FAM151B: variants seen among roughly 807,000 people sequenced by gnomAD.
The protein encoded by FAM151B is family with sequence similarity 151 member B, also known as protein FAM151B.
Under a neutral mutation model 31.2 loss-of-function variants are expected in FAM151B, and 24 were observed. The ratio of observed to expected loss-of-function variants is 0.77; its 90% CI spans 0.56 to 1.08. The LOEUF (loss-of-function observed/expected upper bound fraction) is 1.08, where lower values mean the gene tolerates loss of function less well. FAM151B is among the 50% of genes least tolerant of loss of function. FAM151B has a pLI of 0.00. For missense variants in FAM151B, 293 were observed against 328.6 expected (o/e 0.89, Z 0.84); for synonymous variants, 105 against 111.4 (o/e 0.94, Z 0.36).
chr5:80,494,091 A>G (rs1743412661), intron 1 of FAM151B, among the ~76,000 whole-genome samples: 1 of 152,200 alleles, frequency 6.6e-6, no homozygotes. Flanking sequence ...GTACGTTGAA[A>G]TATTGGGGGC....
chr5:80,502,669 A>G (rs1346873115), intron 2 of FAM151B, among the ~76,000 whole-genome samples: 1 of 152,192 alleles, frequency 6.6e-6, no homozygotes, highest in Non-Finnish European at 1.5e-5. Flanking sequence ...GCATATCACT[A>G]CAGGGCCGGG....
At chr5:80,513,796 C>A in intron 3 of FAM151B, 27 bp downstream of exon 3, 1 of 1,574,216 alleles carries the variant, frequency 6.4e-7, no homozygotes, top group Non-Finnish European at 8.6e-7. Context: ...GTTCAATTTT[C>A]TGGGAAAAAA....
intron 1 of FAM151B, among the ~76,000 whole-genome samples, chr5:80,493,441 G>A (rs1455465222): frequency 6.6e-6 from 1 of 152,196 alleles, no homozygotes; most frequent in Non-Finnish European, 1.5e-5. Context: ...CAGGGAAATA[G>A]GGAAGATAAC....
intron 5 of FAM151B, among the ~76,000 whole-genome samples, chr5:80,538,372 TTTTC>T (rs1315996184): frequency 0.016 from 1,733 of 111,556 alleles, 58 homozygotes; most frequent in Non-Finnish European, 0.022. Flanking sequence ...CAGCCTTTCT[TTTTC>T]TTTCTTTCTT....
At chr5:80,501,620 G>A (rs1352986746) in intron 1 of FAM151B, among the ~76,000 whole-genome samples, 172 bp from the exon 2 acceptor site, 1 of 151,678 alleles carries the variant, frequency 6.6e-6, no homozygotes, top group Non-Finnish European at 1.5e-5. Flanking sequence ...TGAGATGATG[G>A]ATATGTTAAT....
At chr5:80,529,086 C>T (rs1327918120) in intron 5 of FAM151B, among the ~76,000 whole-genome samples, 1 of 152,200 alleles carries the variant, frequency 6.6e-6, no homozygotes, top group Non-Finnish European at 1.5e-5. Flanking sequence ...AAGAAACTCA[C>T]TCAAAACCGC....
At chr5:80,491,246 C>T (rs549380751) in intron 1 of FAM151B, among the ~76,000 whole-genome samples, 10 of 151,622 alleles carry the variant, frequency 6.6e-5, no homozygotes, top group East Asian at 5.8e-4. Flanking sequence ...GACAGGGTCT[C>T]GCTCTGTCAC....
At position 80,530,520 on chromosome 5, in the gene FAM151B, T is replaced by A. The variant is rs193194155; in HGVS notation, c.671+8382T>A. Among the ~76,000 whole-genome samples, 799 of 152,332 alleles carry A rather than the reference T, an allele frequency of 5.2e-3. 5 individuals carry two copies. Among genetic ancestry groups the A allele is most frequent in the African/African-American group, 0.018 (752 of 41,556 alleles). ...TCAGCCCAAAATCTCCTTAAGCTGA[T>A]AAGCAACTTCAGCAAAGTCTCAAGA... On this transcript the variant is annotated intron_variant, in intron 5 of 5. Coordinates refer to ENST00000282226, the MANE Select transcript of FAM151B (RefSeq NM_205548.3).
At position 80,521,408 on chromosome 5, in the gene FAM151B, A is replaced by T. The variant is rs1409238827; in HGVS notation, c.536-595A>T. Among the ~76,000 whole-genome samples, 3 of 152,108 alleles carry T rather than the reference A, an allele frequency of 2.0e-5. No homozygotes were observed. In the East Asian group the frequency reaches 5.8e-4, roughly 29 times the overall value. ...CTCAAAGTGCTGGGATTACAGGCATAAACCACCATGCCTGGCCCACAATGT... is the reference window on the plus strand; with the variant it reads ...CTCAAAGTGCTGGGATTACAGGCATTAACCACCATGCCTGGCCCACAATGT... On this transcript the variant is annotated intron_variant, in intron 4 of 5. Coordinates refer to ENST00000282226, the MANE Select transcript of FAM151B (RefSeq NM_205548.3).
At chr5:80,511,625 A>C (rs1291391921) in intron 2 of FAM151B, among the ~76,000 whole-genome samples, 1 of 151,690 alleles carries the variant, frequency 6.6e-6, no homozygotes, top group Non-Finnish European at 1.5e-5. Flanking sequence ...TTTTTTTTTG[A>C]GACAGGAGTC....
At chr5:80,538,356 C>T (rs1017668777) in intron 5 of FAM151B, among the ~76,000 whole-genome samples, 7 of 151,058 alleles carry the variant, frequency 4.6e-5, no homozygotes, top group African/African-American at 9.7e-5. Context: ...CATGAGCCAC[C>T]GCACCCAGCC....
intron 5 of FAM151B, among the ~76,000 whole-genome samples, chr5:80,538,482 CTTTCCTTCCTTCCTTCCTTTCT>C (rs1561383829): frequency 5.5e-5 from 7 of 126,458 alleles, no homozygotes; most frequent in African/African-American, 2.3e-4. Context: ...TTCTTTCTTT[CTTTCCTTCCTTCCTTCCTTTCT>C]TTTCTTTCTT....
At chr5:80,517,372 A>T (rs1164368789) in intron 3 of FAM151B, among the ~76,000 whole-genome samples, 1 of 152,206 alleles carries the variant, frequency 6.6e-6, no homozygotes, top group Non-Finnish European at 1.5e-5. Flanking sequence ...CCTGCAGATA[A>T]GGTGGACTAC....
intron 3 of FAM151B, among the ~76,000 whole-genome samples, chr5:80,517,565 T>G (rs1744510990): frequency 1.2e-4 from 1 of 8,250 alleles, no homozygotes; most frequent in Admixed American, 8.0e-4. Flanking sequence ...AACCGCAGAT[T>G]TTAAGTTTCT....
At position 80,522,009 on chromosome 5, in the gene FAM151B, G is replaced by A; in HGVS notation, c.542G>A (p.Ser181Asn). 1.9e-6 allele frequency: 3 copies of A among 1,579,432 alleles called. No individual in the cohort carries two copies. The highest frequency in any genetic ancestry group is 2.6e-6 in the Non-Finnish European group (3 of 1,155,616). The change falls in exon 5 of 6, where the codon AGT becomes AAT. Residue 181 changes from serine to asparagine, a missense_variant. Physicochemically the swap from Ser to Asn is conservative, Grantham distance 46 (BLOSUM62 1). Transcript: ENST00000282226. ...TTTTTTCTTTTCTTTTAAGGGTACA[G>A]TTGGACAATGGTGAAAGAGATGGAA... ...WHPEKVNEGY[S>N]WTMVKEMEYI...
intron 4 of FAM151B, among the ~76,000 whole-genome samples, chr5:80,521,641 A>G (rs891342838): frequency 1.3e-5 from 2 of 152,226 alleles, no homozygotes; most frequent in Admixed American, 6.5e-5. Context: ...CCAAGTTTAT[A>G]GAGAATAATA....
intron 1 of FAM151B, among the ~76,000 whole-genome samples, chr5:80,498,041 T>A (rs1361760829): frequency 1.3e-5 from 2 of 152,256 alleles, no homozygotes; most frequent in African/African-American, 2.4e-5. Context: ...GTCCTCTAAA[T>A]CATTTGGTGT....
intron 2 of FAM151B, among the ~76,000 whole-genome samples, chr5:80,505,489 G>C (rs180751623): frequency 1.8e-4 from 27 of 150,768 alleles, no homozygotes; most frequent in African/African-American, 6.1e-4. Context: ...CCGCCTCCTG[G>C]GTTCACACCA....
chr5:80,541,858 T>C lies in FAM151B; in HGVS notation c.*26T>C, dbSNP rs775444232. The C allele has an allele frequency of 1.3e-6, 2 of 1,598,470 alleles. No homozygotes were observed. Among genetic ancestry groups the C allele is most frequent in the South Asian group, 2.3e-5 (2 of 88,478 alleles). ...GAAGAAGATTCTCAATTATTTCCTG[T>C]GTTTTGGTTTCATAATCCTTCTCTC... On this transcript the variant is annotated 3_prime_UTR_variant, in exon 6 of 6. Transcript: ENST00000282226.
Sources: gnomAD v4.1 joint callset for allele counts (sites outside exome capture counted in the v4.1 genomes callset) on GRCh38, gnomAD v4.1.1 for gene constraint, MANE v1.5 for transcripts, NCBI Gene and HGNC (gene_info 2026-07-23, HGNC 2026-07-21) for gene names.